Variants in EFNA5 observed in about 807,000 individuals in gnomAD.
The protein encoded by EFNA5 is ephrin A5, also known as ephrin-A5.
In EFNA5, 5 loss-of-function variants were observed where a neutral mutation model predicts 22.9. The observed-to-expected ratio is 0.22, with a 90% CI of 0.11 to 0.46. EFNA5 has a LOEUF of 0.46. Among genes scored for constraint, EFNA5 ranks in the 20% least tolerant of loss-of-function variants. The probability of loss-of-function intolerance (pLI) is 0.99; values close to 1 mark genes in which losing one functional copy is unlikely to be tolerated. For missense variants in EFNA5, 237 were observed against 293.3 expected, an observed-to-expected ratio of 0.81 and a Z score of 1.40; for synonymous variants, 113 against 112.2, an observed-to-expected ratio of 1.01 and a Z score of -0.04.
intron 1 of EFNA5, among the ~76,000 whole-genome samples, chr5:107,600,990 A>G (rs1031867327): frequency 1.3e-5 from 2 of 152,208 alleles, no homozygotes; most frequent in Non-Finnish European, 1.5e-5. Flanking sequence ...GAGACAAGCA[A>G]TGATCAAGTT....
chr5:107,452,817 T>C (rs145076273), intron 1 of EFNA5, among the ~76,000 whole-genome samples: 15 of 152,322 alleles, frequency 9.8e-5, no homozygotes, highest in Admixed American at 4.6e-4. Context: ...CTTGAGCTTC[T>C]GGTTATTACA....
Position 107,487,962 on chromosome 5 carries a change from G to A in EFNA5, c.126-60453C>T, listed in dbSNP as rs1393366518. 2.6e-5 allele frequency among the ~76,000 whole-genome samples: 4 copies of A among 152,188 alleles called. No individual in the cohort carries two copies. In the East Asian group the frequency reaches 7.7e-4, roughly 29 times the overall value. On this transcript the variant is annotated intron_variant, in intron 1 of 4. Coordinates refer to ENST00000333274, the MANE Select transcript of EFNA5 (RefSeq NM_001962.3). ...ATTACATGGGAAATGGACTTAAAGG[G>A]GAGTATTGCCTATGGAAATGTGAAA...
intron 2 of EFNA5, among the ~76,000 whole-genome samples, chr5:107,411,599 G>C (rs1478256129): frequency 6.6e-6 from 1 of 152,154 alleles, no homozygotes; most frequent in Non-Finnish European, 1.5e-5. Context: ...TCCATCCTGA[G>C]GTCTTCAGTT....
At chr5:107,498,104 C>T (rs949491320) in intron 1 of EFNA5, among the ~76,000 whole-genome samples, 1 of 151,996 alleles carries the variant, frequency 6.6e-6, no homozygotes, top group African/African-American at 2.4e-5. Flanking sequence ...TTAGTAGAGA[C>T]GGGGTTTCAC....
intron 1 of EFNA5, among the ~76,000 whole-genome samples, chr5:107,430,802 G>C (rs1401725456): frequency 7.8e-6 from 1 of 128,196 alleles, no homozygotes. Context: ...TTTTGAGATG[G>C]AGTTTCACTC....
At chr5:107,618,559 T>C (rs1275113151) in intron 1 of EFNA5, among the ~76,000 whole-genome samples, 1 of 152,216 alleles carries the variant, frequency 6.6e-6, no homozygotes, top group Non-Finnish European at 1.5e-5. Flanking sequence ...TCTTCAGAAA[T>C]GTCAGATTTG....
chr5:107,490,490 G>A (rs1162422232), intron 1 of EFNA5, among the ~76,000 whole-genome samples: 2 of 152,162 alleles, frequency 1.3e-5, no homozygotes, highest in African/African-American at 4.8e-5. Context: ...ATCATCAAAT[G>A]AATCCTTTCA....
At chr5:107,659,243 T>A (rs1750891986) in intron 1 of EFNA5, among the ~76,000 whole-genome samples, 2 of 152,162 alleles carry the variant, frequency 1.3e-5, no homozygotes, top group African/African-American at 4.8e-5. Context: ...AGTCAACATG[T>A]AATTGCTGAA....
At chr5:107,413,396 G>A (rs1262979835) in intron 2 of EFNA5, among the ~76,000 whole-genome samples, 2 of 152,042 alleles carry the variant, frequency 1.3e-5, no homozygotes, top group Non-Finnish European at 2.9e-5. Flanking sequence ...ATTTTCATCA[G>A]ACTCTAACTG....
chr5:107,419,210 C>T (rs1029959729), intron 2 of EFNA5, among the ~76,000 whole-genome samples: 1 of 152,200 alleles, frequency 6.6e-6, no homozygotes, highest in Non-Finnish European at 1.5e-5. Context: ...AGAATAATTT[C>T]CACAAGTCCC....
chr5:107,460,455 C>T (rs867119956), intron 1 of EFNA5, among the ~76,000 whole-genome samples: 5 of 152,242 alleles, frequency 3.3e-5, no homozygotes, highest in Middle Eastern at 3.4e-3. Context: ...CACACAGACA[C>T]GTATGAATAA....
At chr5:107,387,092 G>A (rs1238540924) in intron 4 of EFNA5, 143 bp downstream of exon 4, 7 of 544,708 alleles carry the variant, frequency 1.3e-5, no homozygotes, top group Non-Finnish European at 2.3e-5. Flanking sequence ...TAGAATATAA[G>A]TCATATTAGC....
intron 1 of EFNA5, among the ~76,000 whole-genome samples, chr5:107,609,689 G>A (rs542986444): frequency 6.6e-6 from 1 of 152,164 alleles, no homozygotes; most frequent in African/African-American, 2.4e-5. Context: ...TGCTAAAATT[G>A]TTTCTTCCTA....
chr5:107,395,062 A>G (rs918235646), intron 2 of EFNA5, among the ~76,000 whole-genome samples: 12 of 11,336 alleles, frequency 1.1e-3, no homozygotes, highest in Non-Finnish European at 2.1e-3. Flanking sequence ...TCCGCGAGAC[A>G]GTGTCTCATT....
intron 1 of EFNA5, among the ~76,000 whole-genome samples, chr5:107,601,744 T>C (rs1401678401): frequency 2.0e-5 from 3 of 152,194 alleles, no homozygotes; most frequent in African/African-American, 7.2e-5. Flanking sequence ...TGTTTTTTCC[T>C]TTTCCTTTTG....
chr5:107,604,237 G>T (rs781736156), intron 1 of EFNA5, among the ~76,000 whole-genome samples: 1 of 152,096 alleles, frequency 6.6e-6, no homozygotes, highest in Non-Finnish European at 1.5e-5. Flanking sequence ...TGGGAATACA[G>T]TGGTGTATCA....
intron 1 of EFNA5, among the ~76,000 whole-genome samples, chr5:107,558,753 T>C (rs1456522851): frequency 6.6e-6 from 1 of 152,226 alleles, no homozygotes; most frequent in African/African-American, 2.4e-5. Flanking sequence ...CTTTCATTAA[T>C]GAGAATCATC....
intron 1 of EFNA5, among the ~76,000 whole-genome samples, chr5:107,565,888 AC>A (rs1748656017): frequency 6.6e-6 from 1 of 152,216 alleles, no homozygotes. Flanking sequence ...ATTTTACATG[AC>A]GCTGCATAAT....
At chr5:107,512,184 C>T (rs1747385545) in intron 1 of EFNA5, among the ~76,000 whole-genome samples, 2 of 152,148 alleles carry the variant, frequency 1.3e-5, no homozygotes, top group Admixed American at 1.3e-4. Context: ...AAGTCCCACC[C>T]CACTGAGTCT....
Sources: allele counts gnomAD v4.1 joint callset (sites outside exome capture counted in the v4.1 genomes callset), GRCh38; gene constraint gnomAD v4.1.1; transcripts MANE v1.5; gene names NCBI Gene and HGNC (gene_info 2026-07-23, HGNC 2026-07-21).